The following SPINK1 variants were observed in gnomAD, a reference collection of about 807,000 sequenced individuals.
SPINK1 encodes serine peptidase inhibitor Kazal type 1, also known as serine protease inhibitor Kazal-type 1.
In SPINK1, 5 loss-of-function variants were observed where a neutral mutation model predicts 9.5. That is an observed-to-expected ratio of 0.52 (90% CI 0.27 to 1.10). SPINK1 has a LOEUF of 1.10. SPINK1 is among the 50% of genes least tolerant of loss of function. The pLI is 0.11. For missense variants in SPINK1, 88 were observed against 92.7 expected (o/e 0.95, Z 0.21); for synonymous variants, 37 against 32.3 (o/e 1.14, Z -0.49).
chr5:147,832,830 C>A (rs1756532018), upstream of SPINK1, among the ~76,000 whole-genome samples: 2 of 152,168 alleles, frequency 1.3e-5, no homozygotes, highest in African/African-American at 4.8e-5. Context: ...AAATCTCAAA[C>A]CCTTCCCAAG....
At chr5:147,829,297 G>C (rs1756466638) in intron 2 of SPINK1, among the ~76,000 whole-genome samples, 1 of 152,202 alleles carries the variant, frequency 6.6e-6, no homozygotes, top group Non-Finnish European at 1.5e-5. Context: ...TACTTGGAGT[G>C]AAGTTGAGAA....
At chr5:147,833,262 T>C (rs1756540268), upstream of SPINK1, among the ~76,000 whole-genome samples, 2 of 152,086 alleles carry the variant, frequency 1.3e-5, no homozygotes, top group African/African-American at 2.4e-5. Flanking sequence ...AAATGGGAGA[T>C]GAAATAATGG....
At chr5:147,829,753 C>T in intron 1 of SPINK1, 123 bp from the exon 2 acceptor site, 1 of 892,610 alleles carries the variant, frequency 1.1e-6, no homozygotes, top group South Asian at 1.4e-5. Flanking sequence ...TCATTCCCCA[C>T]CCTTTCTGAT....
At chr5:147,838,843 C>A in the SPINK1 span, among the ~76,000 whole-genome samples, 23 of 152,080 alleles carry the variant, frequency 1.5e-4, no homozygotes, top group Admixed American at 1.5e-3. Flanking sequence ...TCTAGGCCTA[C>A]AGTATTCCCC....
chr5:147,835,740 G>A (rs1756585105), upstream of SPINK1, among the ~76,000 whole-genome samples: 1 of 152,026 alleles, frequency 6.6e-6, no homozygotes, highest in African/African-American at 2.4e-5. Context: ...TTCACATTCT[G>A]TGCCCAAAGT....
Position 147,829,752 on chromosome 5 carries a change from A to C in SPINK1, c.56-122T>G, listed in dbSNP as rs907984951. On this transcript the variant is annotated intron_variant, in intron 1 of 3. Transcript: ENST00000296695. Reference sequence around the variant, plus strand: ...TCTTTACTAGGCTCTTTCATTCCCCACCCTTTCTGATTTCTCTAATCTTCC... The same window carrying C: ...TCTTTACTAGGCTCTTTCATTCCCCCCCCTTTCTGATTTCTCTAATCTTCC... 6.7e-6 allele frequency: 6 copies of C among 890,012 alleles called. No homozygotes were observed. The Admixed American group carries it at 9.7e-5, about 14-fold the overall frequency. 55.1% of individuals were successfully genotyped at this position (890,012 alleles called of 1,614,324 possible).
the SPINK1 span, among the ~76,000 whole-genome samples, chr5:147,838,000 C>A: frequency 1.3e-5 from 2 of 152,106 alleles, no homozygotes; most frequent in Non-Finnish European, 2.9e-5. Flanking sequence ...CTGTGCCCAG[C>A]CACATTAACT....
rs1561605325 is a variant in SPINK1, at chr5:147,828,102, T to C, written c.114A>G (p.Gly38=). The change falls in exon 3 of 4, where the codon GGA becomes GGG. Residue 38 remains glycine (G), a synonymous_variant. Transcript: ENST00000296695. ...AGACAGGGTCATATATCTTGGTGCATCCATTAAGTTCATTGTAACATTTGG... is the reference window on the plus strand; with the variant it reads ...AGACAGGGTCATATATCTTGGTGCACCCATTAAGTTCATTGTAACATTTGG... ...REAKCYNELN[G]CTKIYDPVCG... The C allele has an allele frequency of 3.1e-6, 5 of 1,613,368 alleles. No individual in the cohort carries two copies. Among genetic ancestry groups the C allele is most frequent in the Non-Finnish European group, 4.2e-6 (5 of 1,179,752 alleles).
At chr5:147,838,176 TA>T in the SPINK1 span, among the ~76,000 whole-genome samples, 19 of 152,144 alleles carry the variant, frequency 1.2e-4, no homozygotes, top group African/African-American at 4.6e-4. Flanking sequence ...CAGCAATCAT[TA>T]ACTAAATGTT....
chr5:147,826,904 C>T (rs1481794190), intron 3 of SPINK1, among the ~76,000 whole-genome samples: 1 of 152,112 alleles, frequency 6.6e-6, no homozygotes, highest in Non-Finnish European at 1.5e-5. Context: ...GAAATTTACA[C>T]AGTCATTTGA....
chr5:147,829,646 A>C lies in SPINK1; in HGVS notation c.56-16T>G. ...CCAGTGTTACCTAGAAATAAATCAGATATGGTAAGTTGGGTCCTAAATGAA... is the reference window on the plus strand; with the variant it reads ...CCAGTGTTACCTAGAAATAAATCAGCTATGGTAAGTTGGGTCCTAAATGAA... On this transcript the variant is annotated splice_polypyrimidine_tract_variant and intron_variant, in intron 1 of 3. Coordinates refer to ENST00000296695, the MANE Select transcript of SPINK1 (RefSeq NM_001379610.1). 1 of 1,610,986 alleles carries C rather than the reference A, an allele frequency of 6.2e-7. No individual in the cohort carries two copies.
At chr5:147,830,173 TAG>T (rs1011219528) in intron 1 of SPINK1, among the ~76,000 whole-genome samples, 1 of 152,176 alleles carries the variant, frequency 6.6e-6, no homozygotes, top group African/African-American at 2.4e-5. Context: ...GTTGAAAAAA[TAG>T]AGTTCTTTTG....
intron 2 of SPINK1, among the ~76,000 whole-genome samples, chr5:147,828,994 C>T (rs1756461203): frequency 6.6e-6 from 1 of 151,882 alleles, no homozygotes; most frequent in Admixed American, 6.6e-5. Context: ...AGAACTTTTT[C>T]ATAACACTTA....
At chr5:147,827,953 A>G in intron 3 of SPINK1, 69 bp downstream of exon 3, 3 of 1,210,200 alleles carry the variant, frequency 2.5e-6, no homozygotes, top group Non-Finnish European at 3.6e-6. Context: ...TGAGATTCAT[A>G]TTATCAGTAC....
chr5:147,831,781 G>A (rs1187127569), upstream of SPINK1: 5 of 1,422,540 alleles, frequency 3.5e-6, no homozygotes, highest in African/African-American at 1.4e-5. Flanking sequence ...GTGTAAGAAA[G>A]GTGAAAGGAG....
At chr5:147,838,047 C>T in the SPINK1 span, among the ~76,000 whole-genome samples, 8 of 152,170 alleles carry the variant, frequency 5.3e-5, no homozygotes, top group South Asian at 8.3e-4. Context: ...TTGGAGGCCA[C>T]CTGTCTTGGA....
chr5:147,826,149 T>C (rs1188886326), intron 3 of SPINK1, among the ~76,000 whole-genome samples: 2 of 152,188 alleles, frequency 1.3e-5, no homozygotes, highest in Non-Finnish European at 2.9e-5. Context: ...AGAAAAAGTG[T>C]TTATTGAATA....
chr5:147,831,516 C>G lies in SPINK1; in HGVS notation c.55+7G>C, dbSNP rs755295158. On this transcript the variant is annotated splice_region_variant and intron_variant, in intron 1 of 3. Transcript: ENST00000296695. ...TTATTTAAATTTGAAAAATATGCAA[C>G]ACTTACCAGATAGACTCAACAGGGC... 6.2e-7 allele frequency: 1 copy of G among 1,613,286 alleles called. No individual in the cohort carries two copies. Among genetic ancestry groups the G allele is most frequent in the South Asian group, 1.1e-5 (1 of 91,070 alleles).
At chr5:147,832,999 G>A (rs1238188157), upstream of SPINK1, among the ~76,000 whole-genome samples, 1 of 152,136 alleles carries the variant, frequency 6.6e-6, no homozygotes, top group African/African-American at 2.4e-5. Flanking sequence ...ATGGAGAAAA[G>A]GACAAGAAGG....
Sources: gnomAD v4.1 joint callset for allele counts (sites outside exome capture counted in the v4.1 genomes callset) on GRCh38, gnomAD v4.1.1 for gene constraint, MANE v1.5 for transcripts, NCBI Gene and HGNC (gene_info 2026-07-23, HGNC 2026-07-21) for gene names.